Variants in TAFA1 observed in about 807,000 individuals in gnomAD.
TAFA1 encodes the protein TAFA chemokine like family member 1, also known as chemokine-like protein TAFA-1.
Under a neutral mutation model 18.5 loss-of-function variants are expected in TAFA1, and 4 were observed. That is an observed-to-expected ratio of 0.22 (90% confidence interval 0.11 to 0.49). The LOEUF (loss-of-function observed/expected upper bound fraction) is 0.49, where lower values mean the gene tolerates loss of function less well. TAFA1 is among the 20% of genes least tolerant of loss of function. The pLI is 0.98. For missense variants in TAFA1, 147 were observed against 169.0 expected, an observed-to-expected ratio of 0.87 and a Z score of 0.72; for synonymous variants, 56 against 55.2, an observed-to-expected ratio of 1.01 and a Z score of -0.06.
chr3:68,526,249 C>A (rs2073110475), intron 3 of TAFA1, among the ~76,000 whole-genome samples: 1 of 152,130 alleles, frequency 6.6e-6, no homozygotes, highest in African/African-American at 2.4e-5. Flanking sequence ...AAATGACTCA[C>A]AATTCATTGA....
intron 3 of TAFA1, among the ~76,000 whole-genome samples, chr3:68,508,434 C>G (rs1342881638): frequency 1.3e-5 from 2 of 152,006 alleles, no homozygotes; most frequent in Non-Finnish European, 2.9e-5. Flanking sequence ...GTGTCAAACT[C>G]TTCGTTATCT....
intron 3 of TAFA1, among the ~76,000 whole-genome samples, chr3:68,519,725 A>G (rs112996650): frequency 0.014 from 2,186 of 152,224 alleles, 64 homozygotes; most frequent in African/African-American, 0.049. Flanking sequence ...GTATCCTCAC[A>G]TGGCAGAAAG....
chr3:68,361,652 AG>A (rs2069470521), intron 2 of TAFA1, among the ~76,000 whole-genome samples: 1 of 113,370 alleles, frequency 8.8e-6, no homozygotes, highest in South Asian at 4.3e-4. Context: ...TGGAAAACAA[AG>A]GAAAAAAAAA....
At chr3:68,008,771 G>A (rs966240861) in intron 2 of TAFA1, among the ~76,000 whole-genome samples, 1 of 152,048 alleles carries the variant, frequency 6.6e-6, no homozygotes, top group Non-Finnish European at 1.5e-5. Flanking sequence ...TCTGAGAGGT[G>A]GCCATGGCAG....
At chr3:68,251,086 AC>A (rs56193308) in intron 2 of TAFA1, among the ~76,000 whole-genome samples, 24,195 of 152,120 alleles carry the variant, frequency 0.16, 2,276 homozygotes, top group East Asian at 0.4. Flanking sequence ...AGAAAAAAAA[AC>A]CAAAATAAAT....
chr3:68,118,235 C>T (rs1400888590), intron 2 of TAFA1, among the ~76,000 whole-genome samples: 1 of 152,144 alleles, frequency 6.6e-6, no homozygotes, highest in Non-Finnish European at 1.5e-5. Context: ...AGGGACAGAT[C>T]ATCAGGCATT....
chr3:68,394,509 A>C (rs1023674730), intron 2 of TAFA1, among the ~76,000 whole-genome samples: 3 of 152,148 alleles, frequency 2.0e-5, no homozygotes, highest in Non-Finnish European at 4.4e-5. Context: ...AATCCTAAGC[A>C]AAAAGAACAA....
intron 3 of TAFA1, among the ~76,000 whole-genome samples, chr3:68,500,184 C>T (rs1317847236): frequency 6.6e-6 from 1 of 152,060 alleles, no homozygotes; most frequent in Non-Finnish European, 1.5e-5. Context: ...ATGGGATCAG[C>T]TTGGTTTGGG....
At chr3:68,074,368 C>A (rs1310115455) in intron 2 of TAFA1, among the ~76,000 whole-genome samples, 3 of 152,094 alleles carry the variant, frequency 2.0e-5, no homozygotes, top group Non-Finnish European at 2.9e-5. Context: ...GATTGGGAAC[C>A]CCTGCCTTAG....
intron 3 of TAFA1, among the ~76,000 whole-genome samples, chr3:68,461,015 C>T (rs2071766873): frequency 6.6e-6 from 1 of 152,122 alleles, no homozygotes; most frequent in Non-Finnish European, 1.5e-5. Flanking sequence ...GGTGTGGTGG[C>T]TCATGCCTGT....
At position 68,172,626 on chromosome 3, in the gene TAFA1, A is replaced by G. The variant is rs1449309216; in HGVS notation, c.118+165882A>G. Reference sequence around the variant, plus strand: ...AAAAGTGGAAACAACCCTAGTGTCCATCAGCTGCTGAATCAATAAATAAAA... The same window carrying G: ...AAAAGTGGAAACAACCCTAGTGTCCGTCAGCTGCTGAATCAATAAATAAAA... On this transcript the variant is annotated intron_variant, in intron 2 of 4. Transcript: ENST00000478136. Among the ~76,000 whole-genome samples the G allele has an allele frequency of 2.0e-5, 3 of 152,322 alleles. No homozygotes were observed. The East Asian group carries it at 5.8e-4, about 29-fold the overall frequency.
intron 2 of TAFA1, among the ~76,000 whole-genome samples, chr3:68,349,038 G>A (rs911551545): frequency 1.3e-5 from 2 of 151,348 alleles, no homozygotes; most frequent in African/African-American, 2.4e-5. Context: ...TCTCCTGCTT[G>A]TTTCTTTATA....
intron 2 of TAFA1, among the ~76,000 whole-genome samples, chr3:68,269,228 A>T (rs2067611776): frequency 6.6e-6 from 1 of 151,870 alleles, no homozygotes; most frequent in Admixed American, 6.6e-5. Flanking sequence ...CCATGGCAGG[A>T]GGATTGCTTG....
chr3:68,515,905 C>T (rs571525919), intron 3 of TAFA1, among the ~76,000 whole-genome samples: 2 of 152,222 alleles, frequency 1.3e-5, no homozygotes, highest in Non-Finnish European at 2.9e-5. Flanking sequence ...AGCACCCCCT[C>T]TTAGAGCCAC....
At chr3:68,433,118 T>C (rs976769088) in intron 3 of TAFA1, among the ~76,000 whole-genome samples, 2 of 152,074 alleles carry the variant, frequency 1.3e-5, no homozygotes, top group African/African-American at 4.8e-5. Flanking sequence ...GGAGCACACA[T>C]TTCCACCAGT....
chr3:68,207,231 G>T (rs1007025214), intron 2 of TAFA1, among the ~76,000 whole-genome samples: 1 of 151,766 alleles, frequency 6.6e-6, no homozygotes, highest in East Asian at 2.0e-4. Context: ...GACCCATAAA[G>T]TTACTGTTTT....
chr3:68,193,633 G>T (rs1301875903), intron 2 of TAFA1, among the ~76,000 whole-genome samples: 2 of 151,594 alleles, frequency 1.3e-5, no homozygotes, highest in Admixed American at 6.6e-5. Context: ...CTTTCCTTAA[G>T]CAAAAATGTT....
At chr3:68,355,045 G>A (rs2069336159) in intron 2 of TAFA1, among the ~76,000 whole-genome samples, 1 of 151,836 alleles carries the variant, frequency 6.6e-6, no homozygotes, top group African/African-American at 2.4e-5. Context: ...GGAAATTTTG[G>A]TGTGAAATTT....
intron 2 of TAFA1, among the ~76,000 whole-genome samples, chr3:68,019,262 G>A (rs933733050): frequency 4.6e-5 from 7 of 152,180 alleles, no homozygotes; most frequent in Non-Finnish European, 8.8e-5. Context: ...ATGCAAACAG[G>A]CCTGGCTGAA....
Sources: allele counts gnomAD v4.1 joint callset (sites outside exome capture counted in the v4.1 genomes callset), GRCh38; gene constraint gnomAD v4.1.1; transcripts MANE v1.5; gene names NCBI Gene and HGNC (gene_info 2026-07-23, HGNC 2026-07-21).